The following TRPM3 variants were observed in gnomAD, a reference collection of about 807,000 sequenced individuals.
TRPM3 encodes the protein long transient receptor potential channel 3.
In TRPM3, 77 loss-of-function variants were observed where a neutral mutation model predicts 181.2. That is an observed-to-expected ratio of 0.42 (90% CI 0.35 to 0.51). The LOEUF (loss-of-function observed/expected upper bound fraction) is 0.51, where lower values mean the gene tolerates loss of function less well. Ranked by LOEUF, TRPM3 falls within the 20% of genes least tolerant of loss-of-function variation. TRPM3 has a pLI of 0.01. For missense variants in TRPM3, 1,759 were observed against 2,196.7 expected, an observed-to-expected ratio of 0.80 and a Z score of 3.98; for synonymous variants, 745 against 796.4, an observed-to-expected ratio of 0.94 and a Z score of 1.09.
intron 1 of TRPM3, among the ~76,000 whole-genome samples, chr9:70,970,268 C>G (rs1260172209): frequency 2.6e-5 from 4 of 152,102 alleles, no homozygotes; most frequent in Non-Finnish European, 2.9e-5. Flanking sequence ...ATAAATGATG[C>G]CCCTTAGGGT....
At chr9:71,408,217 C>T (rs954322298) in intron 1 of TRPM3, among the ~76,000 whole-genome samples, 54 of 152,314 alleles carry the variant, frequency 3.5e-4, no homozygotes, top group African/African-American at 9.6e-4. Flanking sequence ...CGCAGCTCCT[C>T]GCCAGAAACA....
intron 1 of TRPM3, among the ~76,000 whole-genome samples, chr9:71,272,049 C>G (rs1261804986): frequency 6.6e-6 from 1 of 152,084 alleles, no homozygotes; most frequent in Non-Finnish European, 1.5e-5. Flanking sequence ...TATTTTAATT[C>G]ACAAGTAGCA....
At chr9:71,342,493 C>G (rs2091027037) in intron 1 of TRPM3, among the ~76,000 whole-genome samples, 1 of 151,440 alleles carries the variant, frequency 6.6e-6, no homozygotes, top group South Asian at 2.1e-4. Context: ...AATTAGTAAA[C>G]TCCATGAAGC....
intron 9 of TRPM3, among the ~76,000 whole-genome samples, chr9:70,648,819 G>A (rs185887687): frequency 1.5e-4 from 23 of 152,034 alleles, no homozygotes; most frequent in Admixed American, 1.3e-3. Context: ...GGACCCCTTC[G>A]TTTCACTATA....
chr9:70,650,496 T>C (rs1250878377), intron 9 of TRPM3, among the ~76,000 whole-genome samples: 1 of 152,206 alleles, frequency 6.6e-6, no homozygotes, highest in African/African-American at 2.4e-5. Flanking sequence ...AGGTGGCTCC[T>C]TCAATATCTA....
intron 25 of TRPM3, among the ~76,000 whole-genome samples, chr9:70,538,134 A>G (rs572463821): frequency 9.8e-5 from 15 of 152,326 alleles, no homozygotes; most frequent in African/African-American, 3.6e-4. Flanking sequence ...TGCATAAAGC[A>G]ATTTGTTGTA....
intron 1 of TRPM3, among the ~76,000 whole-genome samples, chr9:71,013,493 A>T (rs1197166816): frequency 6.6e-6 from 1 of 151,854 alleles, no homozygotes; most frequent in Non-Finnish European, 1.5e-5. Context: ...ATGCTGTGAA[A>T]CAATTTTTGT....
chr9:71,350,334 G>A (rs569930052), intron 1 of TRPM3, among the ~76,000 whole-genome samples: 11 of 152,074 alleles, frequency 7.2e-5, no homozygotes, highest in Non-Finnish European at 1.6e-4. Context: ...ATTCTTCTTC[G>A]ATGGCACTAT....
intron 1 of TRPM3, among the ~76,000 whole-genome samples, chr9:71,185,526 G>C (rs550909673): frequency 6.6e-6 from 1 of 152,048 alleles, no homozygotes; most frequent in Admixed American, 6.6e-5. Flanking sequence ...TGTTACTGAC[G>C]TAGACCTGGC....
At chr9:70,909,505 A>G (rs2096514345) in intron 1 of TRPM3, among the ~76,000 whole-genome samples, 1 of 152,168 alleles carries the variant, frequency 6.6e-6, no homozygotes, top group East Asian at 1.9e-4. Flanking sequence ...AGCCCTAGGC[A>G]GCCAGTAGTG....
At chr9:70,800,889 T>C (rs763140861) in intron 6 of TRPM3, among the ~76,000 whole-genome samples, 13 of 152,200 alleles carry the variant, frequency 8.5e-5, no homozygotes, top group Non-Finnish European at 1.3e-4. Flanking sequence ...GTCAACTCTA[T>C]GGTTATTTCC....
chr9:71,147,905 T>C (rs1486220416), intron 1 of TRPM3, among the ~76,000 whole-genome samples: 2 of 152,160 alleles, frequency 1.3e-5, no homozygotes, highest in African/African-American at 4.8e-5. Flanking sequence ...TTTTCCAGAA[T>C]CTAGAAATAT....
At chr9:70,686,693 CCT>C (rs2066931899) in intron 8 of TRPM3, among the ~76,000 whole-genome samples, 1 of 57,770 alleles carries the variant, frequency 1.7e-5, no homozygotes, top group Non-Finnish European at 3.6e-5. Flanking sequence ...TTCTTTCCTT[CCT>C]TCCTTCCTTC....
Position 70,757,021 on chromosome 9 carries a change from C to T in TRPM3, c.1272+4580G>A, listed in dbSNP as rs1374981479. On this transcript the variant is annotated intron_variant, in intron 8 of 25. Transcript: ENST00000677713. ...CTGAAGGAGATAGAGACACGAAAAA[C>T]ACTTCAAAAAAATCAATGAATCCAG... Among the ~76,000 whole-genome samples the T allele has an allele frequency of 4.9e-5, 7 of 142,402 alleles. No individual in the cohort carries two copies. The East Asian group carries it at 7.9e-4, about 16-fold the overall frequency. 93.4% of individuals were successfully genotyped at this position (142,402 alleles called of 152,430 possible).
chr9:71,441,630 CTTT>C (rs559254034), intron 1 of TRPM3, among the ~76,000 whole-genome samples: 2 of 114,580 alleles, frequency 1.7e-5, no homozygotes, highest in East Asian at 4.9e-4. Context: ...TTTGACTCGG[CTTT>C]TTTTTTTTTT....
intron 22 of TRPM3, among the ~76,000 whole-genome samples, chr9:70,582,183 T>TGC (rs1554762591): frequency 4.5e-4 from 12 of 26,378 alleles, no homozygotes; most frequent in Middle Eastern, 0.016. Flanking sequence ...ACCCTGTGCG[T>TGC]GTGTGTGTGT....
At chr9:71,254,070 C>T (rs1313409062) in intron 1 of TRPM3, among the ~76,000 whole-genome samples, 1 of 152,098 alleles carries the variant, frequency 6.6e-6, no homozygotes, top group African/African-American at 2.4e-5. Flanking sequence ...CAGGTGCCTG[C>T]CACCATGCCC....
At chr9:71,058,806 C>T (rs985465467) in intron 1 of TRPM3, among the ~76,000 whole-genome samples, 3 of 151,852 alleles carry the variant, frequency 2.0e-5, no homozygotes, top group Non-Finnish European at 1.5e-5. Flanking sequence ...GAGTTTCAGC[C>T]AATCACAGGC....
chr9:70,890,873 A>G (rs1211411803), intron 1 of TRPM3, among the ~76,000 whole-genome samples: 2 of 152,080 alleles, frequency 1.3e-5, no homozygotes, highest in African/African-American at 4.8e-5. Context: ...GTGCCAGATG[A>G]TAAGACAGCT....
Sources: allele counts gnomAD v4.1 joint callset (sites outside exome capture counted in the v4.1 genomes callset), GRCh38; gene constraint gnomAD v4.1.1; transcripts MANE v1.5; gene names NCBI Gene and HGNC (gene_info 2026-07-23, HGNC 2026-07-21).